Variants in EXOC3 observed in about 807,000 individuals in gnomAD.
The protein encoded by EXOC3 is SEC6-like 1.
In EXOC3, 21 loss-of-function variants were observed where a neutral mutation model predicts 73.7. The ratio of observed to expected loss-of-function variants is 0.29; its 90% CI spans 0.20 to 0.41. The LOEUF (loss-of-function observed/expected upper bound fraction) is 0.41, where lower values mean the gene tolerates loss of function less well. Among genes scored for constraint, EXOC3 ranks in the 10% least tolerant of loss-of-function variants. The probability of loss-of-function intolerance (pLI) is 1.00; values close to 1 mark genes in which losing one functional copy is unlikely to be tolerated. For missense variants in EXOC3, 842 were observed against 985.1 expected, an observed-to-expected ratio of 0.85 and a Z score of 1.95; for synonymous variants, 410 against 389.1, an observed-to-expected ratio of 1.05 and a Z score of -0.63.
intron 2 of EXOC3, 31 bp from the exon 3 acceptor site, chr5:447,502 C>T: frequency 1.4e-6 from 2 of 1,473,736 alleles, no homozygotes; most frequent in Non-Finnish European, 1.8e-6. Flanking sequence ...CTATCATTGG[C>T]TCTGCTCACC....
At position 465,820 on chromosome 5, in the gene EXOC3, C is replaced by T. The variant is rs776836177; in HGVS notation, c.2041C>T (p.Leu681=). Residue 681 remains leucine (L), a synonymous_variant, in exon 12 of 13, where the codon CTG becomes TTG. Coordinates refer to ENST00000512944, the MANE Select transcript of EXOC3 (RefSeq NM_007277.5). ...TCTGCTCTACCTGGAGGTCTCCACT[C>T]TGGTCAGCAAGTATCCAGACATCAG... ...PSLLYLEVST[L]VSKYPDIRDD... is the part of the protein sequence containing the mutation. 6.2e-7 allele frequency: 1 copy of T among 1,612,330 alleles called. No individual in the cohort carries two copies. Among genetic ancestry groups the T allele is most frequent in the Non-Finnish European group, 8.5e-7 (1 of 1,179,226 alleles).
rs147088252 is a variant in EXOC3 at position 444,690 on chromosome 5, G to T, written c.-57+1400G>T. Among the ~76,000 whole-genome samples, 168 of 152,350 alleles carry T rather than the reference G, an allele frequency of 1.1e-3. 2 individuals are homozygous for T. The East Asian group carries it at 0.024, about 22-fold the overall frequency. On this transcript the variant is annotated intron_variant, in intron 1 of 12. Transcript: ENST00000512944. Reference sequence around the variant, plus strand: ...CCCTGTTGGAGGGAGTTGCCCCTGAGTGTCGGGATTTAAGGGGAGTTGTCC... The same window carrying T: ...CCCTGTTGGAGGGAGTTGCCCCTGATTGTCGGGATTTAAGGGGAGTTGTCC...
chr5:444,504 G>T (rs114572165), intron 1 of EXOC3, among the ~76,000 whole-genome samples: 3 of 152,184 alleles, frequency 2.0e-5, no homozygotes, highest in Non-Finnish European at 2.9e-5. Context: ...TTATTATCCA[G>T]CCCTATAATC....
intron 1 of EXOC3, among the ~76,000 whole-genome samples, chr5:444,294 T>C (rs1251430231): frequency 6.6e-6 from 1 of 152,218 alleles, no homozygotes; most frequent in Non-Finnish European, 1.5e-5. Flanking sequence ...GCCTCTGCGG[T>C]GCGTTTTTTA....
intron 4 of EXOC3, 85 bp from the exon 5 acceptor site, chr5:456,804 G>A: frequency 3.9e-6 from 4 of 1,032,076 alleles, no homozygotes; most frequent in Non-Finnish European, 6.0e-6. Context: ...ACATTCATGT[G>A]TCAAGTGAAA....
rs185074578 is a variant in EXOC3, at chr5:459,790, C to T, written c.1391+331C>T. On this transcript the variant is annotated intron_variant, in intron 7 of 12. Coordinates refer to ENST00000512944, the MANE Select transcript of EXOC3 (RefSeq NM_007277.5). ...TTGGGGTGGGGGTGGCGACTCCTGC[C>T]GCAGTGCCTACTTCGTAGTGGGGAG... 1.4e-3 allele frequency among the ~76,000 whole-genome samples: 206 copies of T among 152,348 alleles called. 13 individuals are homozygous for T. The East Asian group carries it at 0.018, about 14-fold the overall frequency.
chr5:459,696 T>C, intron 7 of EXOC3: 1 of 343,190 alleles, frequency 2.9e-6, no homozygotes. Flanking sequence ...TGTGACGTCC[T>C]TAGCGATGCG....
At position 462,146 on chromosome 5, in the gene EXOC3, T is replaced by G. The variant is rs1423425780; in HGVS notation, c.1503-11T>G. The G allele has an allele frequency of 6.2e-7, 1 of 1,613,676 alleles. No homozygotes were observed. The highest frequency in any genetic ancestry group is 1.7e-5 in the Admixed American group (1 of 60,012). On this transcript the variant is annotated splice_polypyrimidine_tract_variant and intron_variant, in intron 8 of 12. Coordinates refer to ENST00000512944, the MANE Select transcript of EXOC3 (RefSeq NM_007277.5). ...CAGCCGCTGTGTTGAACCTGAACCC[T>G]TTCCTTGCAGGGAATCCATAGTCAG...
chr5:447,589 C>T lies in EXOC3; in HGVS notation c.201C>T (p.Asn67=), dbSNP rs556413338. 1.6e-4 allele frequency: 248 copies of T among 1,591,280 alleles called. No homozygotes were observed. In the Admixed American group the frequency reaches 3.1e-3, roughly 20 times the overall value. ...GVRTGLSQLH[N]ALNDVKDIQQ... ...GCACAGGCCTCAGCCAGCTCCACAACGCCCTGAATGACGTCAAAGACATCC... is the reference window on the plus strand; with the variant it reads ...GCACAGGCCTCAGCCAGCTCCACAATGCCCTGAATGACGTCAAAGACATCC... Residue 67 remains asparagine (N), a synonymous_variant, in exon 3 of 13, where the codon AAC becomes AAT. Transcript: ENST00000512944.
chr5:462,720 C>T (rs1184589719), intron 9 of EXOC3, among the ~76,000 whole-genome samples: 1 of 152,234 alleles, frequency 6.6e-6, no homozygotes. Context: ...AAAGGCATAA[C>T]CTACCATGAA....
intron 7 of EXOC3, among the ~76,000 whole-genome samples, chr5:460,210 G>T (rs1449017323): frequency 6.6e-6 from 1 of 152,198 alleles, no homozygotes; most frequent in Admixed American, 6.5e-5. Flanking sequence ...AATCAGATTG[G>T]ACTGCATCGC....
intron 3 of EXOC3, among the ~76,000 whole-genome samples, chr5:452,156 T>C (rs1243808574): frequency 6.6e-6 from 1 of 152,208 alleles, no homozygotes; most frequent in Non-Finnish European, 1.5e-5. Context: ...AAAGTCCCAC[T>C]AAGCATATGT....
In EXOC3 at chr5:459,400, A is replaced by G; in HGVS notation, c.1332A>G (p.Glu444=). 3.2e-6 allele frequency: 5 copies of G among 1,574,548 alleles called. No homozygotes were observed. Among genetic ancestry groups the G allele is most frequent in the Non-Finnish European group, 4.3e-6 (5 of 1,156,968 alleles). The stretch of plus-strand genomic sequence containing the variant: ...TTCAAGTTGCTGCTCAGATAAGTGA[A>G]GATTTGAAAACAAAGGTACTAGTTT... ...QNLQVAAQIS[E]DLKTKVLVLC... Residue 444 remains glutamate, a synonymous_variant, in exon 7 of 13, where the codon GAA becomes GAG. Transcript: ENST00000512944.
intron 11 of EXOC3, 81 bp downstream of exon 11, chr5:465,353 G>A: frequency 1.4e-6 from 2 of 1,435,588 alleles, no homozygotes; most frequent in Non-Finnish European, 1.9e-6. Flanking sequence ...ACTCGGGCCA[G>A]TAGATGGGAG....
chr5:445,475 G>A (rs772724051), intron 1 of EXOC3, among the ~76,000 whole-genome samples: 2 of 150,988 alleles, frequency 1.3e-5, no homozygotes, highest in Admixed American at 1.3e-4. Context: ...TCAGCCTCCC[G>A]AGTAGCTGGG....
intron 9 of EXOC3, 124 bp downstream of exon 9, chr5:462,431 T>C: frequency 9.1e-7 from 1 of 1,104,010 alleles, no homozygotes. Flanking sequence ...GGCTGTGCAC[T>C]TGCATTCCGG....
intron 9 of EXOC3, among the ~76,000 whole-genome samples, chr5:463,361 G>T (rs2126587012): frequency 6.6e-6 from 1 of 152,342 alleles, no homozygotes; most frequent in African/African-American, 2.4e-5. Context: ...ATGGGCAAAA[G>T]ACATGAACGG....
At chr5:462,099 G>GT in intron 8 of EXOC3, 29 bp downstream of exon 8, 1 of 1,596,912 alleles carries the variant, frequency 6.3e-7, no homozygotes, top group South Asian at 1.1e-5. Flanking sequence ...TGTGGCGGGG[G>GT]AGCGGTGGAG....
chr5:452,869 G>C (rs1021008873), intron 3 of EXOC3, among the ~76,000 whole-genome samples: 6 of 152,234 alleles, frequency 3.9e-5, no homozygotes, highest in Admixed American at 2.0e-4. Flanking sequence ...ACAGATGAAG[G>C]GGGTGGTGAA....
Sources: allele counts gnomAD v4.1 joint callset (sites outside exome capture counted in the v4.1 genomes callset), GRCh38; gene constraint gnomAD v4.1.1; transcripts MANE v1.5; gene names NCBI Gene and HGNC (gene_info 2026-07-23, HGNC 2026-07-21).